GCNT4: variants seen among roughly 807,000 people sequenced by gnomAD.
GCNT4 encodes the protein beta-1,3-galactosyl-O-glycosyl-glycoprotein beta-1,6-N-acetylglucosaminyltransferase 4.
A neutral mutation model predicts 31.3 loss-of-function variants in GCNT4; 17 were observed. The ratio of observed to expected loss-of-function variants is 0.54; its 90% confidence interval spans 0.37 to 0.81. The LOEUF (loss-of-function observed/expected upper bound fraction) is 0.81. GCNT4 is among the 40% of genes least tolerant of loss of function. The pLI, the probability that GCNT4 is intolerant of heterozygous loss-of-function variation, is 0.00. For synonymous variants in GCNT4, 158 were observed against 190.6 expected (o/e 0.83, Z 1.41); for missense variants, 503 against 525.5 (o/e 0.96, Z 0.42).
chr5:75,045,445 AGTGT>A (rs900984548), intron 3 of GCNT4, among the ~76,000 whole-genome samples: 26 of 152,298 alleles, frequency 1.7e-4, no homozygotes, highest in African/African-American at 6.0e-4. Flanking sequence ...TCCATGTTGT[AGTGT>A]GTGTCAAAAT....
intron 3 of GCNT4, among the ~76,000 whole-genome samples, chr5:75,036,300 T>A (rs1383133408): frequency 6.6e-6 from 1 of 152,184 alleles, no homozygotes; most frequent in Non-Finnish European, 1.5e-5. Flanking sequence ...TAGATGTAAT[T>A]CAATCCCCTC....
At chr5:75,051,964 T>C (rs1200054417) in intron 2 of GCNT4, among the ~76,000 whole-genome samples, 11 of 152,182 alleles carry the variant, frequency 7.2e-5, no homozygotes, top group Non-Finnish European at 4.4e-5. Context: ...CACACAAAAT[T>C]GGATCCTTAG....
the GCNT4 span, among the ~76,000 whole-genome samples, chr5:75,020,083 G>A: frequency 1.3e-5 from 2 of 152,196 alleles, no homozygotes; most frequent in African/African-American, 2.4e-5. Flanking sequence ...GTACATGGAT[G>A]TGCTTTGGTC....
chr5:75,028,876 G>C lies in GCNT4; in HGVS notation c.1162C>G (p.Arg388Gly). 6.2e-7 allele frequency: 1 copy of C among 1,613,976 alleles called. No homozygotes were observed. Among genetic ancestry groups the C allele is most frequent in the Non-Finnish European group, 8.5e-7 (1 of 1,179,984 alleles). ...GCAGCTCCATAAATACACACGCTTC[G>C]AAGGTGAGATCCAGTACAACTGGGA... ...FYPSCTGSHL[R>G]SVCIYGAAEL... Residue 388 changes from arginine to glycine, a missense_variant, in exon 4 of 4, where the codon CGA becomes GGA. Coordinates refer to ENST00000652361, the MANE Select transcript of GCNT4 (RefSeq NM_001366737.1).
At position 75,039,077 on chromosome 5, in the gene GCNT4, TTTTTG is replaced by T. The variant is rs572443448; in HGVS notation, c.-2+8815_-2+8819del. On this transcript the variant is annotated intron_variant, in intron 3 of 3. Coordinates refer to ENST00000652361, the MANE Select transcript of GCNT4 (RefSeq NM_001366737.1). ...TTTCCATGATCTTATTCACTGTTTT[TTTTTG>T]TTTTGTTTTGTTTTGTTTTTCAGAC... Among the ~76,000 whole-genome samples the T allele has an allele frequency of 1.4e-4, 21 of 152,146 alleles. No homozygotes were observed. The East Asian group carries it at 1.7e-3, about 13-fold the overall frequency.
chr5:75,045,528 C>T (rs1369088031), intron 3 of GCNT4, among the ~76,000 whole-genome samples: 3 of 152,222 alleles, frequency 2.0e-5, no homozygotes, highest in Non-Finnish European at 2.9e-5. Flanking sequence ...ATCCATTCAT[C>T]TGTCAGTAGA....
At chr5:75,038,496 C>T (rs73122595) in intron 3 of GCNT4, among the ~76,000 whole-genome samples, 7,239 of 152,182 alleles carry the variant, frequency 0.048, 569 homozygotes, top group African/African-American at 0.16. Context: ...ATATCTTAGA[C>T]TGAATAATTT....
rs772026005 is a variant in GCNT4, at chr5:75,029,926, A to G, written c.112T>C (p.Phe38Leu). The part of the protein sequence containing the change: ...LLKLLNVRRL[F>L]PQKDIYLVEY... ...ACCAAGTAAATGTCTTTTTGCGGAAAGAGTCGTCTCACATTTAGAAGCTTT... is the reference window on the plus strand; with the variant it reads ...ACCAAGTAAATGTCTTTTTGCGGAAGGAGTCGTCTCACATTTAGAAGCTTT... Residue 38 changes from phenylalanine (F) to leucine (L), a missense_variant, in exon 4 of 4, where the codon TTT becomes CTT. Phe to Leu is a conservative substitution (Grantham distance 22, BLOSUM62 0). Coordinates refer to ENST00000652361, the MANE Select transcript of GCNT4 (RefSeq NM_001366737.1). 6.2e-7 allele frequency: 1 copy of G among 1,614,192 alleles called. No homozygotes were observed. Among genetic ancestry groups the G allele is most frequent in the Non-Finnish European group, 8.5e-7 (1 of 1,180,024 alleles).
upstream of GCNT4, among the ~76,000 whole-genome samples, chr5:75,053,787 C>T (rs373864085): frequency 6.6e-6 from 1 of 152,138 alleles, no homozygotes; most frequent in African/African-American, 2.4e-5. Context: ...GGCCGCGCTT[C>T]GGACAAAGTT....
downstream of GCNT4, among the ~76,000 whole-genome samples, chr5:75,024,569 G>A (rs916692347): frequency 2.2e-4 from 34 of 152,260 alleles, no homozygotes. Flanking sequence ...GTAGAGCTGG[G>A]AGAACAGAGC....
At chr5:75,053,801 A>C (rs936968181), upstream of GCNT4, among the ~76,000 whole-genome samples, 1 of 152,134 alleles carries the variant, frequency 6.6e-6, no homozygotes, top group African/African-American at 2.4e-5. Flanking sequence ...CAAAGTTCTC[A>C]GGCGCGCGCG....
chr5:75,029,356 C>A lies in GCNT4; in HGVS notation c.682G>T (p.Gly228Trp). 1 of 1,614,118 alleles carries A rather than the reference C, an allele frequency of 6.2e-7. No homozygotes were observed. Among genetic ancestry groups the A allele is most frequent in the Non-Finnish European group, 8.5e-7 (1 of 1,180,026 alleles). Reference protein sequence around the residue: ...IQWKYVINLCGQDFPLKSNFE... With the variant: ...IQWKYVINLCWQDFPLKSNFE... ...TTTGACTTCAGGGGAAAATCTTGCC[C>A]ACACAAGTTGATAACATATTTCCAC... Residue 228 changes from glycine (G) to tryptophan (W), a missense_variant, in exon 4 of 4, where the codon GGG (glycine) becomes TGG (tryptophan). By Grantham distance (184) the Gly-to-Trp change is radical (BLOSUM62 -2). Coordinates refer to ENST00000652361, the MANE Select transcript of GCNT4 (RefSeq NM_001366737.1).
At chr5:75,052,378 C>T (rs1204210558) in intron 1 of GCNT4, 51 bp downstream of exon 1, 1 of 152,192 alleles carries the variant, frequency 6.6e-6, no homozygotes, top group Non-Finnish European at 1.5e-5. Flanking sequence ...ACTTCCCCGT[C>T]AGGGAAAGCT....
In GCNT4 at chr5:75,027,462, A is replaced by G. The variant is rs1160907521; in HGVS notation, c.*1214T>C. The G allele has an allele frequency of 6.9e-6, 1 of 145,954 alleles. No individual in the cohort carries two copies. The highest frequency in any genetic ancestry group is 7.0e-5 in the Admixed American group (1 of 14,350). The allele number at this position is 145,954 out of a possible 1,614,324, so 9.0% of individuals were successfully genotyped here. A position where few individuals can be genotyped will look rare whatever the true frequency, so the allele number is the denominator to read the frequency against. The stretch of plus-strand genomic sequence containing the variant: ...TATATATTATATATATATATTTTTG[A>G]CTCATTGGGTGGTTTTCTCAAGTGT... On this transcript the variant is annotated 3_prime_UTR_variant, in exon 4 of 4. Coordinates refer to ENST00000652361, the MANE Select transcript of GCNT4 (RefSeq NM_001366737.1).
At chr5:75,025,077 CAA>C (rs1206438381), downstream of GCNT4, among the ~76,000 whole-genome samples, 4 of 150,118 alleles carry the variant, frequency 2.7e-5, no homozygotes, top group Non-Finnish European at 4.4e-5. Context: ...ATCAAGCAAA[CAA>C]GAGTATTTAT....
chr5:75,051,320 C>CAGTTCACAGCCT (rs1406606280), intron 2 of GCNT4, among the ~76,000 whole-genome samples: 1 of 152,262 alleles, frequency 6.6e-6, no homozygotes, highest in African/African-American at 2.4e-5. Flanking sequence ...CACATTGGGA[C>CAGTTCACAGCCT]AGTTCACAGC....
intron 3 of GCNT4, among the ~76,000 whole-genome samples, chr5:75,046,260 C>T (rs1258601590): frequency 2.6e-5 from 4 of 152,154 alleles, no homozygotes; most frequent in Non-Finnish European, 1.5e-5. Flanking sequence ...AAGAAGGAAC[C>T]TGGTAGAAGG....
At position 75,027,301 on chromosome 5, in the gene GCNT4, T is replaced by TA. The variant is rs554604569; in HGVS notation, c.*1374dup. 1.5e-4 allele frequency: 14 copies of TA among 90,992 alleles called. No individual in the cohort carries two copies. The highest frequency in any genetic ancestry group is 6.5e-4 in the South Asian group (2 of 3,078). 5.6% of individuals were successfully genotyped at this position (90,992 alleles called of 1,614,324 possible). A position where few individuals can be genotyped will look rare whatever the true frequency, so the allele number is the denominator to read the frequency against. ...GTTATATAATATATATTTATATATA[T>TA]ATAATTATATGTATATATAATATAT... On this transcript the variant is annotated 3_prime_UTR_variant, in exon 4 of 4. Coordinates refer to ENST00000652361, the MANE Select transcript of GCNT4 (RefSeq NM_001366737.1).
At chr5:75,030,288 T>C in intron 3 of GCNT4, 1 of 441,334 alleles carries the variant, frequency 2.3e-6, no homozygotes, top group Non-Finnish European at 4.2e-6. Flanking sequence ...GAAGGGAAGG[T>C]AATGTAAACT....
Sources: allele counts gnomAD v4.1 joint callset (sites outside exome capture counted in the v4.1 genomes callset), GRCh38; gene constraint gnomAD v4.1.1; transcripts MANE v1.5; gene names NCBI Gene and HGNC (gene_info 2026-07-23, HGNC 2026-07-21).